The following KIAA1328 variants were observed in gnomAD, a reference collection of about 807,000 sequenced individuals.
KIAA1328 encodes protein hinderin.
In KIAA1328, 52 loss-of-function variants were observed where a neutral mutation model predicts 68.1. The ratio of observed to expected loss-of-function variants is 0.76; its 90% CI spans 0.61 to 0.96. KIAA1328 has a LOEUF of 0.96. Ranked by LOEUF, KIAA1328 falls within the 40% of genes least tolerant of loss-of-function variation. KIAA1328 has a pLI of 0.00. For missense variants in KIAA1328, 641 were observed against 677.6 expected (o/e 0.95, Z 0.60); for synonymous variants, 232 against 239.4 (o/e 0.97, Z 0.28).
intron 6 of KIAA1328, among the ~76,000 whole-genome samples, chr18:37,007,489 G>T (rs907727907): frequency 2.0e-5 from 3 of 152,060 alleles, no homozygotes; most frequent in African/African-American, 7.2e-5. Flanking sequence ...ATGAATGCAA[G>T]AATAAAACAA....
At chr18:36,982,461 C>T (rs2052733028) in intron 6 of KIAA1328, among the ~76,000 whole-genome samples, 1 of 151,298 alleles carries the variant, frequency 6.6e-6, no homozygotes, top group Admixed American at 6.6e-5. Flanking sequence ...TTGCAGGAAA[C>T]AGTGCAAACA....
intron 7 of KIAA1328, among the ~76,000 whole-genome samples, chr18:37,156,146 C>G (rs374038500): frequency 9.2e-5 from 14 of 152,166 alleles, no homozygotes; most frequent in East Asian, 1.9e-4. Context: ...GTGGCTCACA[C>G]CTGTAATCCC....
At chr18:36,894,679 C>G (rs908472921) in intron 5 of KIAA1328, among the ~76,000 whole-genome samples, 1 of 152,110 alleles carries the variant, frequency 6.6e-6, no homozygotes, top group Non-Finnish European at 1.5e-5. Context: ...GCATGCATCA[C>G]CACACCTGGC....
chr18:37,084,055 T>A (rs1421469138), intron 7 of KIAA1328: 1 of 870,094 alleles, frequency 1.1e-6, no homozygotes, highest in Non-Finnish European at 1.6e-6. Context: ...AAGAGCATGG[T>A]TTTCCAAAAT....
Position 37,090,464 on chromosome 18 carries a change from C to G in KIAA1328, c.1232+22919C>G, listed in dbSNP as rs2057236291. ...GCTTCTCAAGGCTCTATAGTATTCTCCCCTGACTTATCTCTAACTGTTCCT... is the reference window on the plus strand; with the variant it reads ...GCTTCTCAAGGCTCTATAGTATTCTGCCCTGACTTATCTCTAACTGTTCCT... On this transcript the variant is annotated intron_variant, in intron 7 of 9. Coordinates refer to ENST00000280020, the MANE Select transcript of KIAA1328 (RefSeq NM_020776.3). Among the ~76,000 whole-genome samples the G allele has an allele frequency of 1.3e-5, 2 of 152,128 alleles. 1 individual carries two copies. The highest frequency in any genetic ancestry group is 2.9e-5 in the Non-Finnish European group (2 of 68,008).
At chr18:37,118,003 T>G (rs551784697) in intron 7 of KIAA1328, among the ~76,000 whole-genome samples, 91 of 123,894 alleles carry the variant, frequency 7.3e-4, no homozygotes, top group East Asian at 4.6e-3. Flanking sequence ...ATAATTGCTT[T>G]CTTTCTTTTT....
chr18:37,013,117 G>C (rs2054031968), intron 6 of KIAA1328, among the ~76,000 whole-genome samples: 1 of 152,040 alleles, frequency 6.6e-6, no homozygotes, highest in Non-Finnish European at 1.5e-5. Flanking sequence ...ATAAATTATA[G>C]TTTCATCATA....
At chr18:37,009,613 A>C (rs2053902645) in intron 6 of KIAA1328, among the ~76,000 whole-genome samples, 1 of 152,206 alleles carries the variant, frequency 6.6e-6, no homozygotes, top group African/African-American at 2.4e-5. Context: ...AACATCCTAC[A>C]GTGTGCAAGA....
At chr18:36,977,265 T>G (rs9304166) in intron 6 of KIAA1328, among the ~76,000 whole-genome samples, 2 of 152,012 alleles carry the variant, frequency 1.3e-5, no homozygotes, top group South Asian at 4.1e-4. Context: ...AGGTAATCCT[T>G]TTCTCATTGG....
chr18:37,120,889 G>C (rs1209092642), intron 7 of KIAA1328, among the ~76,000 whole-genome samples: 1 of 152,100 alleles, frequency 6.6e-6, no homozygotes, highest in Non-Finnish European at 1.5e-5. Flanking sequence ...AAGGAATCTG[G>C]AAAGTATAAG....
downstream of KIAA1328, chr18:37,230,744 A>T (rs1026994176): frequency 3.3e-5 from 5 of 152,150 alleles, no homozygotes; most frequent in African/African-American, 1.2e-4. Flanking sequence ...AGTAAGTGCC[A>T]TACTCAGAGG....
intron 8 of KIAA1328, among the ~76,000 whole-genome samples, chr18:37,166,357 A>G (rs558507306): frequency 6.6e-6 from 1 of 152,306 alleles, no homozygotes; most frequent in Non-Finnish European, 1.5e-5. Context: ...CCCGTGGGCC[A>G]TATGTGGCCC....
intron 9 of KIAA1328, among the ~76,000 whole-genome samples, chr18:37,174,233 G>T (rs1012541849): frequency 3.9e-5 from 6 of 152,018 alleles, no homozygotes; most frequent in Admixed American, 2.0e-4. Context: ...CTAACAACAG[G>T]CAAAGCCAGC....
intron 9 of KIAA1328, among the ~76,000 whole-genome samples, chr18:37,174,580 T>TTTTTATTTTA (rs1179906991): frequency 6.7e-6 from 1 of 148,586 alleles, no homozygotes; most frequent in Non-Finnish European, 1.5e-5. Flanking sequence ...TTTATTTTTA[T>TTTTTATTTTA]TTTTATTTTA....
chr18:36,977,203 T>A (rs557198457), intron 6 of KIAA1328, among the ~76,000 whole-genome samples: 68 of 152,326 alleles, frequency 4.5e-4, no homozygotes, highest in Admixed American at 1.2e-3. Flanking sequence ...CTTAATCCAC[T>A]GTTCTTCATT....
intron 6 of KIAA1328, among the ~76,000 whole-genome samples, chr18:37,066,493 GTATT>G (rs1456756767): frequency 1.4e-5 from 2 of 147,318 alleles, no homozygotes; most frequent in Non-Finnish European, 2.9e-5. Flanking sequence ...TGGCCAAAGA[GTATT>G]TAAAGTGACT....
intron 7 of KIAA1328, among the ~76,000 whole-genome samples, chr18:37,115,898 C>G (rs571517275): frequency 2.9e-4 from 44 of 152,312 alleles, no homozygotes; most frequent in African/African-American, 9.6e-4. Flanking sequence ...CATGAGTGAA[C>G]TCCCATTCAC....
intron 5 of KIAA1328, among the ~76,000 whole-genome samples, chr18:36,952,432 A>G (rs1346996659): frequency 1.3e-5 from 2 of 152,060 alleles, no homozygotes; most frequent in South Asian, 4.1e-4. Flanking sequence ...AATGTATTGA[A>G]TATATACTTT....
intron 9 of KIAA1328, among the ~76,000 whole-genome samples, chr18:37,173,543 T>C (rs1051624528): frequency 3.9e-5 from 6 of 152,302 alleles, no homozygotes; most frequent in African/African-American, 7.2e-5. Context: ...GAAAGAAATA[T>C]CTTATTTTAA....
Sources: allele counts gnomAD v4.1 joint callset (sites outside exome capture counted in the v4.1 genomes callset), GRCh38; gene constraint gnomAD v4.1.1; transcripts MANE v1.5; gene names NCBI Gene and HGNC (gene_info 2026-07-23, HGNC 2026-07-21).